The following SMIM23 variants were observed in gnomAD, a reference collection of about 807,000 sequenced individuals.
SMIM23 encodes the protein small integral membrane protein 23, also known as CTB-78H18.1.
Under a neutral mutation model 12.8 loss-of-function variants are expected in SMIM23, and 10 were observed. That is an observed-to-expected ratio of 0.78 (90% CI 0.48 to 1.32). SMIM23 has a LOEUF of 1.32. SMIM23 is among the 40% of genes most tolerant of loss of function. SMIM23 has a pLI of 0.00. For missense variants in SMIM23, 184 were observed against 198.2 expected, an observed-to-expected ratio of 0.93 and a Z score of 0.43; for synonymous variants, 78 against 80.1, an observed-to-expected ratio of 0.97 and a Z score of 0.14.
the SMIM23 span, chr5:171,774,325 T>C: frequency 6.8e-6 from 3 of 441,018 alleles, no homozygotes; most frequent in African/African-American, 6.0e-5. Context: ...GACAGTAATG[T>C]TGTTCCTGTT....
At chr5:171,773,759 AG>A in the SMIM23 span, 1 of 456,216 alleles carries the variant, frequency 2.2e-6, no homozygotes, top group Non-Finnish European at 4.4e-6. Flanking sequence ...GTTGGCATGC[AG>A]GAACATAGGT....
rs1289528687 is a variant in SMIM23, at chr5:171,790,970, A to G, written c.401A>G (p.Gln134Arg). ...WLDALLGEPHQEEHCSTYKSH... is the reference protein window; with the variant it reads ...WLDALLGEPHREEHCSTYKSH... ...GATGCTCTTCTGGGAGAGCCACACC[A>G]GGAGGAGCACTGCTCCACATATAAA... Residue 134 changes from glutamine to arginine, a missense_variant, in exon 4 of 4, where the codon CAG becomes CGG. Coordinates refer to ENST00000523047, the MANE Select transcript of SMIM23 (RefSeq NM_001289970.2). 3.3e-6 allele frequency: 5 copies of G among 1,535,950 alleles called. No homozygotes were observed. Among genetic ancestry groups the G allele is most frequent in the Non-Finnish European group, 4.4e-6 (5 of 1,146,920 alleles).
chr5:171,781,572 C>T (rs1473306645), upstream of SMIM23, among the ~76,000 whole-genome samples: 1 of 151,906 alleles, frequency 6.6e-6, no homozygotes, highest in African/African-American at 2.4e-5. Context: ...TTTCTTTCTC[C>T]CTTTTTGCCT....
At chr5:171,775,771 G>A in the SMIM23 span, among the ~76,000 whole-genome samples, 4 of 152,230 alleles carry the variant, frequency 2.6e-5, no homozygotes, top group Admixed American at 2.6e-4. Context: ...GTAAATGAAT[G>A]TGCAAGAAAA....
rs186474748 is a variant in SMIM23 at position 171,790,153 on chromosome 5, C to T, written c.106-77C>T. 341 of 1,418,054 alleles carry T rather than the reference C, an allele frequency of 2.4e-4. No individual in the cohort carries two copies. In the African/African-American group the frequency reaches 4.3e-3, roughly 18 times the overall value. The allele number at this position is 1,418,054 out of a possible 1,614,324, so 87.8% of individuals were successfully genotyped here. ...CTTATAAGCATTCCCATGTCTGGCC[C>T]TTTGTGATGGAAGCAGGGGGACCTG... On this transcript the variant is annotated intron_variant, in intron 1 of 3. Coordinates refer to ENST00000523047, the MANE Select transcript of SMIM23 (RefSeq NM_001289970.2).
At chr5:171,782,622 T>C (rs976998024), upstream of SMIM23, 1 of 152,156 alleles carries the variant, frequency 6.6e-6, no homozygotes, top group African/African-American at 2.4e-5. Context: ...AACGTAAAAA[T>C]CATACCACCT....
the SMIM23 span, among the ~76,000 whole-genome samples, chr5:171,772,894 G>A: frequency 6.6e-6 from 1 of 152,214 alleles, no homozygotes; most frequent in African/African-American, 2.4e-5. Context: ...TTGACTCTTT[G>A]ATTGGAAAAG....
At chr5:171,778,102 G>C (rs1381690923), upstream of SMIM23, among the ~76,000 whole-genome samples, 2 of 152,220 alleles carry the variant, frequency 1.3e-5, no homozygotes, top group Non-Finnish European at 2.9e-5. Context: ...GCTCATGCCT[G>C]TAATCCTAGC....
rs142487102 is a variant in SMIM23, at chr5:171,786,211, C to A, written c.105+235C>A. Among the ~76,000 whole-genome samples the A allele has an allele frequency of 2.3e-3, 349 of 152,282 alleles. 4 individuals are homozygous for A. The highest frequency in any genetic ancestry group is 6.6e-3 in the Admixed American group (101 of 15,298). On this transcript the variant is annotated intron_variant, in intron 1 of 3. Transcript: ENST00000523047. ...GAAGGTATGTTCCAGGAGGACTGGG[C>A]TTTTTGTTTAGTTCCCTGCTGAATC...
the SMIM23 span, chr5:171,774,495 G>C: frequency 0.29 from 130,457 of 456,006 alleles, 19,628 homozygotes; most frequent in East Asian, 0.4. Flanking sequence ...ACCTCGGATG[G>C]CCGAGGGGAT....
At chr5:171,784,397 C>T (rs1459841752), upstream of SMIM23, among the ~76,000 whole-genome samples, 1 of 151,840 alleles carries the variant, frequency 6.6e-6, no homozygotes, top group East Asian at 1.9e-4. Context: ...CCCAGATACT[C>T]GGGAGGCAGA....
upstream of SMIM23, among the ~76,000 whole-genome samples, chr5:171,778,356 CA>C (rs532519209): frequency 2.1e-3 from 239 of 116,546 alleles, 1 homozygote; most frequent in East Asian, 3.7e-3. Flanking sequence ...GACTCCATCT[CA>C]AAAAAAAAAA....
upstream of SMIM23, among the ~76,000 whole-genome samples, chr5:171,784,597 C>T (rs952406154): frequency 2.0e-5 from 3 of 152,146 alleles, no homozygotes; most frequent in Admixed American, 2.0e-4. Flanking sequence ...TGTACAATGG[C>T]ACAGCCATTC....
the SMIM23 span, among the ~76,000 whole-genome samples, chr5:171,772,771 C>T: frequency 7.2e-5 from 11 of 152,294 alleles, no homozygotes; most frequent in Middle Eastern, 3.4e-3. Context: ...CCACCCTCCA[C>T]CCTAAAGGTC....
chr5:171,772,859 G>GT, the SMIM23 span, among the ~76,000 whole-genome samples: 15 of 152,282 alleles, frequency 9.9e-5, no homozygotes, highest in Admixed American at 3.9e-4. Flanking sequence ...CAGACAAGTG[G>GT]TTTTCTCAGA....
chr5:171,781,991 C>A (rs911241910), upstream of SMIM23, among the ~76,000 whole-genome samples: 2 of 152,158 alleles, frequency 1.3e-5, no homozygotes, highest in Non-Finnish European at 2.9e-5. Context: ...AGGATGTGGG[C>A]GGGGACAAAT....
intron 1 of SMIM23, among the ~76,000 whole-genome samples, chr5:171,788,188 AC>A (rs1755853769): frequency 6.6e-6 from 1 of 151,664 alleles, no homozygotes; most frequent in African/African-American, 2.4e-5. Flanking sequence ...ACACACACAC[AC>A]ACACACACAT....
upstream of SMIM23, among the ~76,000 whole-genome samples, chr5:171,780,293 C>T (rs560173156): frequency 1.3e-5 from 2 of 152,282 alleles, no homozygotes; most frequent in African/African-American, 4.8e-5. Flanking sequence ...CCTCTCTCTC[C>T]TTTCTCATCC....
upstream of SMIM23, among the ~76,000 whole-genome samples, chr5:171,784,707 C>G (rs1483628515): frequency 1.3e-5 from 2 of 152,140 alleles, no homozygotes; most frequent in Non-Finnish European, 2.9e-5. Flanking sequence ...ATGAAACTTA[C>G]GTTTACCCAA....
Sources: allele counts gnomAD v4.1 joint callset (sites outside exome capture counted in the v4.1 genomes callset), GRCh38; gene constraint gnomAD v4.1.1; transcripts MANE v1.5; gene names NCBI Gene and HGNC (gene_info 2026-07-23, HGNC 2026-07-21).